Variants in JAKMIP1 observed in about 807,000 individuals in gnomAD.
The protein encoded by JAKMIP1 is janus kinase and microtubule-interacting protein 1.
In JAKMIP1, 33 loss-of-function variants were observed where a neutral mutation model predicts 113.0. That is an observed-to-expected ratio of 0.29 (90% CI 0.22 to 0.39). The LOEUF (loss-of-function observed/expected upper bound fraction) is 0.39, where lower values mean the gene tolerates loss of function less well. Ranked by LOEUF, JAKMIP1 falls within the 10% of genes least tolerant of loss-of-function variation. JAKMIP1 has a pLI of 1.00. For synonymous variants in JAKMIP1, 480 were observed against 459.9 expected (o/e 1.04, Z -0.56); for missense variants, 813 against 1,080.5 (o/e 0.75, Z 3.47).
intron 1 of JAKMIP1, among the ~76,000 whole-genome samples, chr4:6,196,085 A>C (rs956339911): frequency 6.6e-6 from 1 of 152,186 alleles, no homozygotes; most frequent in African/African-American, 2.4e-5. Context: ...TACTAACATC[A>C]AAGGCAGGAG....
At position 6,108,823 on chromosome 4, in the gene JAKMIP1, G is replaced by A. The variant is rs972915062; in HGVS notation, c.130-2856C>T. Among the ~76,000 whole-genome samples, 2 of 152,246 alleles carry A rather than the reference G, an allele frequency of 1.3e-5. No individual in the cohort carries two copies. The highest frequency in any genetic ancestry group is 6.5e-5 in the Admixed American group (1 of 15,292). The stretch of plus-strand genomic sequence containing the variant: ...AAGAGGAGGCTGAAGGGAGCCATGC[G>A]GCAGTGGATGCGTCTTGGGACATCT... On this transcript the variant is annotated intron_variant, in intron 2 of 20. Coordinates refer to ENST00000409021, the MANE Select transcript of JAKMIP1 (RefSeq NM_001099433.2). This position sits in a 1 kb window ranked among gnomAD's most constrained non-coding sequence, Gnocchi z 5.6.
At position 6,181,155 on chromosome 4, in the gene JAKMIP1, T is replaced by C. The variant is rs142056052; in HGVS notation, c.-148+19098A>G. On this transcript the variant is annotated intron_variant, in intron 1 of 20. Transcript: ENST00000409021. The surrounding 1 kb of genome is among the most constrained non-coding windows in gnomAD (Gnocchi z 5.4). Reference sequence around the variant, plus strand: ...CCCGTGTGGGCTTGATATGACTAGATGCTGAACAGGGCGCTCCTTGACAGA... The same window carrying C: ...CCCGTGTGGGCTTGATATGACTAGACGCTGAACAGGGCGCTCCTTGACAGA... Among the ~76,000 whole-genome samples, 37 of 152,296 alleles carry C rather than the reference T, an allele frequency of 2.4e-4. 1 individual carries two copies. In the East Asian group the frequency reaches 7.1e-3, roughly 29 times the overall value.
chr4:6,084,278 A>AT (rs1720974005), intron 5 of JAKMIP1, among the ~76,000 whole-genome samples: 1 of 151,598 alleles, frequency 6.6e-6, no homozygotes, highest in East Asian at 1.9e-4. Flanking sequence ...GATGGTGCCA[A>AT]TTGCACTCCA....
chr4:6,038,001 T>C (rs7685374), intron 18 of JAKMIP1, among the ~76,000 whole-genome samples: 1,919 of 90,604 alleles, frequency 0.021, 271 homozygotes, highest in African/African-American at 0.12. Context: ...CCTCCATCAC[T>C]GAGGCAGAGG....
At chr4:6,132,676 GAGT>G (rs1194735161) in intron 1 of JAKMIP1, among the ~76,000 whole-genome samples, 1 of 150,504 alleles carries the variant, frequency 6.6e-6, no homozygotes, top group African/African-American at 2.4e-5. Context: ...AGCAGAAAAG[GAGT>G]AGAAGACAAA....
At chr4:6,029,045 T>A (rs960110022) in intron 20 of JAKMIP1, among the ~76,000 whole-genome samples, 7 of 152,198 alleles carry the variant, frequency 4.6e-5, no homozygotes, top group African/African-American at 1.4e-4. Flanking sequence ...TTTGTGTGTG[T>A]CCTGAGCCAG....
rs1307997537 is a variant in JAKMIP1 at position 6,093,685 on chromosome 4, G to A, written c.625-8056C>T. Among the ~76,000 whole-genome samples the A allele has an allele frequency of 6.6e-6, 1 of 152,168 alleles. No homozygotes were observed. Among genetic ancestry groups the A allele is most frequent in the Admixed American group, 6.5e-5 (1 of 15,270 alleles). On this transcript the variant is annotated intron_variant, in intron 3 of 20. Coordinates refer to ENST00000409021, the MANE Select transcript of JAKMIP1 (RefSeq NM_001099433.2). This position sits in a 1 kb window ranked among gnomAD's most constrained non-coding sequence, Gnocchi z 4.6. ...AGACACCTCCTGTATTACAATGAAT[G>A]ATGTCCACCTGTACAGGGAGGTGTG... is the stretch of plus-strand genomic sequence containing the variant.
chr4:6,059,311 C>T lies in JAKMIP1; in HGVS notation c.1644+1113G>A, dbSNP rs900084790. 2.0e-5 allele frequency among the ~76,000 whole-genome samples: 3 copies of T among 152,188 alleles called. No individual in the cohort carries two copies. The highest frequency in any genetic ancestry group is 1.3e-4 in the Admixed American group (2 of 15,282). On this transcript the variant is annotated intron_variant, in intron 11 of 20. Coordinates refer to ENST00000409021, the MANE Select transcript of JAKMIP1 (RefSeq NM_001099433.2). This position sits in a 1 kb window ranked among gnomAD's most constrained non-coding sequence, Gnocchi z 4.8. ...TCCATGGGAACCTCAGTCTCAACCC[C>T]GAGCCCTGCGGCAGCCATTCTGAGC... is the stretch of plus-strand genomic sequence containing the variant.
chr4:6,029,716 C>G lies in JAKMIP1; in HGVS notation c.2445G>C (p.Lys815Asn), dbSNP rs1181294364. 1 of 1,596,730 alleles carries G rather than the reference C, an allele frequency of 6.3e-7. No homozygotes were observed. The highest frequency in any genetic ancestry group is 8.5e-7 in the Non-Finnish European group (1 of 1,169,964). Residue 815 changes from lysine to asparagine, a missense_variant and splice_region_variant, in exon 20 of 21, where the codon AAG (lysine) becomes AAC (asparagine). Physicochemically the swap from Lys to Asn is moderately conservative, Grantham distance 94 (BLOSUM62 0). This residue lies in a region of JAKMIP1 where 273 missense variants were observed against 426.6 expected (regional missense o/e 0.64). Coordinates refer to ENST00000409021, the MANE Select transcript of JAKMIP1 (RefSeq NM_001099433.2). Reference sequence around the variant, plus strand: ...GACAGTCTGAGCTGCAGTCACCTACCTTTTCCTCCAGTTCTTTCAGGTGCC... The same window carrying G: ...GACAGTCTGAGCTGCAGTCACCTACGTTTTCCTCCAGTTCTTTCAGGTGCC... ...QKRHLKELEE[K>N]FLFLFLFFSL...
chr4:6,027,298 A>G (rs1416397199), intron 20 of JAKMIP1, among the ~76,000 whole-genome samples: 1 of 152,198 alleles, frequency 6.6e-6, no homozygotes, highest in African/African-American at 2.4e-5. Flanking sequence ...ATTTATTGGA[A>G]AAGTCCAAAC....
Position 6,042,201 on chromosome 4 carries a change from C to T in JAKMIP1, c.2055G>A (p.Glu685=). The change falls in exon 17 of 21, where the codon GAG becomes GAA. Residue 685 remains glutamate (E), a synonymous_variant. Coordinates refer to ENST00000409021, the MANE Select transcript of JAKMIP1 (RefSeq NM_001099433.2). The surrounding 1 kb of genome is among the most constrained non-coding windows in gnomAD (Gnocchi z 5.2). ...CCAGCATCTTCTGGGTCAGGGCGGC[C>T]TCGGTCCCCTCTATTTGCTTCAGCC... ...EKWLKQIEGT[E]AALTQKMLDL... is the part of the protein sequence containing the mutation. The T allele has an allele frequency of 6.2e-7, 1 of 1,613,876 alleles. No homozygotes were observed. Among genetic ancestry groups the T allele is most frequent in the Non-Finnish European group, 8.5e-7 (1 of 1,179,872 alleles).
At chr4:6,041,856 C>A (rs559612783) in intron 17 of JAKMIP1, among the ~76,000 whole-genome samples, 1 of 152,302 alleles carries the variant, frequency 6.6e-6, no homozygotes, top group East Asian at 1.9e-4. Flanking sequence ...GAACGCATGA[C>A]CCTGCAGGTC....
At chr4:6,114,201 G>C (rs1020566894) in intron 1 of JAKMIP1, among the ~76,000 whole-genome samples, 3 of 152,218 alleles carry the variant, frequency 2.0e-5, no homozygotes, top group Admixed American at 6.5e-5. Context: ...GTCAAGGAAT[G>C]CTAACTTGGG....
Position 6,175,800 on chromosome 4 carries a change from A to G in JAKMIP1, c.-148+24453T>C, listed in dbSNP as rs191374549. Among the ~76,000 whole-genome samples the G allele has an allele frequency of 2.3e-3, 343 of 152,378 alleles. 8 individuals are homozygous for G. The highest frequency in any genetic ancestry group is 8.4e-4 in the Non-Finnish European group (57 of 68,036). ...GACATTGTTTTCCAATTAAAGTAGC[A>G]GATGCCTTGGAACTCTCTTTAAAGA... On this transcript the variant is annotated intron_variant, in intron 1 of 20. Transcript: ENST00000409021.
rs1725730796 is a variant in JAKMIP1, at chr4:6,179,094, G to A, written c.-148+21159C>T. Among the ~76,000 whole-genome samples, 1 of 152,238 alleles carries A rather than the reference G, an allele frequency of 6.6e-6. No homozygotes were observed. The highest frequency in any genetic ancestry group is 6.5e-5 in the Admixed American group (1 of 15,290). On this transcript the variant is annotated intron_variant, in intron 1 of 20. Transcript: ENST00000409021. This position sits in a 1 kb window ranked among gnomAD's most constrained non-coding sequence, Gnocchi z 4.5. ...AGAGTGGTTGGGGAAAGACTAGAATGTGCTTTTCAAACCTTTGTTGCTCTT... is the reference window on the plus strand; with the variant it reads ...AGAGTGGTTGGGGAAAGACTAGAATATGCTTTTCAAACCTTTGTTGCTCTT...
intron 1 of JAKMIP1, among the ~76,000 whole-genome samples, chr4:6,159,039 T>C (rs1041875413): frequency 6.6e-6 from 1 of 150,584 alleles, no homozygotes; most frequent in Non-Finnish European, 1.5e-5. Context: ...CATTCAGCCA[T>C]GATGGTGCCA....
At chr4:6,112,664 A>G in intron 2 of JAKMIP1, 58 bp downstream of exon 2, 2 of 1,585,218 alleles carry the variant, frequency 1.3e-6, no homozygotes, top group Non-Finnish European at 1.7e-6. Context: ...CTCAGAGGCA[A>G]CACTGCCCAA....
At chr4:6,147,459 G>A (rs1439636934) in intron 1 of JAKMIP1, among the ~76,000 whole-genome samples, 2 of 152,200 alleles carry the variant, frequency 1.3e-5, no homozygotes, top group African/African-American at 4.8e-5. Context: ...GGCCAGGCTG[G>A]GCTCTGACTG....
rs1200234378 is a variant in JAKMIP1 at position 6,097,405 on chromosome 4, G to A, written c.624+8068C>T. On this transcript the variant is annotated intron_variant, in intron 3 of 20. Coordinates refer to ENST00000409021, the MANE Select transcript of JAKMIP1 (RefSeq NM_001099433.2). The surrounding 1 kb of genome is among the most constrained non-coding windows in gnomAD (Gnocchi z 4.3). ...TGTGCTCATGGTAACATGTGAGCTT[G>A]CTTGCATGGGGAGTCTGGGTGTGTA... Among the ~76,000 whole-genome samples the A allele has an allele frequency of 6.6e-6, 1 of 152,236 alleles. No homozygotes were observed. The highest frequency in any genetic ancestry group is 2.4e-5 in the African/African-American group (1 of 41,462).
Sources: allele counts gnomAD v4.1 joint callset (sites outside exome capture counted in the v4.1 genomes callset), GRCh38; gene constraint gnomAD v4.1.1; regional missense constraint gnomAD v4.1.1; non-coding constraint Gnocchi (gnomAD v3.1); transcripts MANE v1.5; gene names NCBI Gene and HGNC (gene_info 2026-07-23, HGNC 2026-07-21).